The following DPP6 variants were observed in gnomAD, a reference collection of about 807,000 sequenced individuals.
DPP6 encodes A-type potassium channel modulatory protein DPP6.
Under a neutral mutation model 122.6 loss-of-function variants are expected in DPP6, and 69 were observed. That is an observed-to-expected ratio of 0.56 (90% CI 0.46 to 0.69). The LOEUF (loss-of-function observed/expected upper bound fraction) is 0.69. DPP6 is among the 30% of genes least tolerant of loss of function. The pLI is 0.00. For missense variants in DPP6, 928 were observed against 1,116.9 expected (o/e 0.83, Z 2.41); for synonymous variants, 418 against 433.1 (o/e 0.97, Z 0.43).
intron 5 of DPP6, among the ~76,000 whole-genome samples, chr7:154,570,975 A>G (rs1054803452): frequency 6.6e-6 from 1 of 152,176 alleles, no homozygotes; most frequent in African/African-American, 2.4e-5. Flanking sequence ...ATAGTTTGCA[A>G]TGTGTGCTTA....
chr7:154,032,027 ATT>A (rs59221022), intron 1 of DPP6, among the ~76,000 whole-genome samples: 152 of 127,146 alleles, frequency 1.2e-3, no homozygotes, highest in Admixed American at 2.1e-3. Context: ...ACACCCGCCT[ATT>A]TTTTTTTTTT....
intron 6 of DPP6, among the ~76,000 whole-genome samples, chr7:154,658,690 T>C (rs572999764): frequency 6.6e-4 from 100 of 152,320 alleles, no homozygotes; most frequent in African/African-American, 2.3e-3. Flanking sequence ...TGCTCCTCTG[T>C]CTGCCCCACA....
At chr7:154,853,886 ACT>A in intron 17 of DPP6, 59 bp downstream of exon 17, 1 of 1,603,726 alleles carries the variant, frequency 6.2e-7, no homozygotes, top group Non-Finnish European at 8.5e-7. Context: ...GAAGCAAAAC[ACT>A]CTATGAGATC....
chr7:153,911,310 T>G (rs979160492), intron 1 of DPP6, among the ~76,000 whole-genome samples: 1 of 152,306 alleles, frequency 6.6e-6, no homozygotes, highest in East Asian at 1.9e-4. Flanking sequence ...CCTTCCCCAG[T>G]ATCATGATCC....
chr7:154,082,113 C>T (rs2260861), intron 1 of DPP6, among the ~76,000 whole-genome samples: 16 of 152,238 alleles, frequency 1.1e-4, no homozygotes, highest in African/African-American at 2.4e-4. Context: ...CGGGTTCCAT[C>T]GTCTACGGGA....
At chr7:154,599,677 C>T (rs781377762) in intron 5 of DPP6, among the ~76,000 whole-genome samples, 3 of 151,990 alleles carry the variant, frequency 2.0e-5, no homozygotes, top group African/African-American at 4.8e-5. Context: ...CCCAGCCCCC[C>T]ACCCCATGAC....
intron 5 of DPP6, among the ~76,000 whole-genome samples, chr7:154,633,696 A>G (rs1462888488): frequency 2.6e-5 from 4 of 152,200 alleles, no homozygotes; most frequent in African/African-American, 9.7e-5. Flanking sequence ...TTCAATTTGC[A>G]CTCTTTAAAC....
At chr7:154,673,746 A>C (rs1365219000) in intron 7 of DPP6, among the ~76,000 whole-genome samples, 3 of 152,192 alleles carry the variant, frequency 2.0e-5, no homozygotes, top group Admixed American at 1.3e-4. Flanking sequence ...CTTCCTCCAA[A>C]CTGGAGTGGT....
chr7:153,987,727 C>T (rs71530447), intron 1 of DPP6, among the ~76,000 whole-genome samples: 1 of 152,046 alleles, frequency 6.6e-6, no homozygotes, highest in Admixed American at 6.6e-5. Flanking sequence ...CTGGGGAGGA[C>T]TTTCTCCATC....
chr7:154,681,513 C>T (rs1026615896), intron 7 of DPP6, among the ~76,000 whole-genome samples: 9 of 152,182 alleles, frequency 5.9e-5, no homozygotes, highest in Non-Finnish European at 1.3e-4. Flanking sequence ...ACCACACTTG[C>T]GGCCATGGCA....
intron 1 of DPP6, among the ~76,000 whole-genome samples, chr7:154,060,647 AC>A (rs1322012841): frequency 0.023 from 3,150 of 135,280 alleles, 69 homozygotes; most frequent in Middle Eastern, 0.046. Context: ...AGGGGGAGGC[AC>A]CCCCCACGAG....
chr7:154,872,726 C>A, intron 19 of DPP6, 33 bp downstream of exon 19: 2 of 1,574,228 alleles, frequency 1.3e-6, no homozygotes, highest in Non-Finnish European at 1.7e-6. Flanking sequence ...TTCCCTGGTG[C>A]TCGTTCTGGG....
rs377324448 is a variant in DPP6 at position 154,062,691 on chromosome 7, T to C, written c.243+9628T>C. ...CGAGGGTGGGGACTGAGAGCTATCC[T>C]CTCTTCCGCACCTGGCTGTTGGTAC... is the stretch of plus-strand genomic sequence containing the variant. On this transcript the variant is annotated intron_variant, in intron 1 of 25. Transcript: ENST00000377770. 1.6e-3 allele frequency among the ~76,000 whole-genome samples: 78 copies of C among 48,218 alleles called. 3 individuals carry two copies. The highest frequency in any genetic ancestry group is 1.9e-3 in the Non-Finnish European group (53 of 28,480). The allele number at this position is 48,218 out of a possible 152,430, so 31.6% of individuals were successfully genotyped here. A position where few individuals can be genotyped will look rare whatever the true frequency, so the allele number is the denominator to read the frequency against.
chr7:154,149,057 G>C lies in DPP6; in HGVS notation c.243+95994G>C, dbSNP rs1488216580. The stretch of plus-strand genomic sequence containing the variant: ...AGTATCTCCAGCAGACCTATGCTGG[G>C]CAGAAACCTCACAGTTCTGTCCAAA... On this transcript the variant is annotated intron_variant, in intron 1 of 25. Coordinates refer to ENST00000377770, the MANE Select transcript of DPP6 (RefSeq NM_130797.4). Among the ~76,000 whole-genome samples the C allele has an allele frequency of 2.0e-5, 3 of 152,214 alleles. No homozygotes were observed. The South Asian group carries it at 6.2e-4, about 32-fold the overall frequency.
chr7:154,875,846 G>T lies in DPP6; in HGVS notation c.1884-60G>T. ...ACGGGGGTCATCTGACGTGGCAGCT[G>T]CTAGACCAGCCGCCACCCACCACGC... On this transcript the variant is annotated intron_variant, in intron 19 of 25. Transcript: ENST00000377770. This position sits in a 1 kb window ranked among gnomAD's most constrained non-coding sequence, Gnocchi z 4.5. 1 of 1,556,472 alleles carries T rather than the reference G, an allele frequency of 6.4e-7. No individual in the cohort carries two copies. The highest frequency in any genetic ancestry group is 1.2e-5 in the South Asian group (1 of 84,934).
intron 3 of DPP6, among the ~76,000 whole-genome samples, chr7:154,518,560 A>G (rs1370114124): frequency 6.6e-6 from 1 of 152,160 alleles, no homozygotes; most frequent in Non-Finnish European, 1.5e-5. Context: ...CAGATGATGA[A>G]TTGCACAGTC....
chr7:154,660,137 C>A (rs1416095550), intron 6 of DPP6, among the ~76,000 whole-genome samples: 1 of 152,218 alleles, frequency 6.6e-6, no homozygotes, highest in Non-Finnish European at 1.5e-5. Flanking sequence ...CACAGGTGAG[C>A]CAGGTAATAA....
chr7:154,124,756 G>A, intron 1 of DPP6, among the ~76,000 whole-genome samples: 1 of 152,210 alleles, frequency 6.6e-6, no homozygotes, highest in East Asian at 1.9e-4. Context: ...GGAAGGGCGG[G>A]AGGATGGGGG....
rs112863772 is a variant in DPP6 at position 154,776,517 on chromosome 7, G to C, written c.1136+3575G>C. Among the ~76,000 whole-genome samples, 696 of 152,072 alleles carry C rather than the reference G, an allele frequency of 4.6e-3. 8 individuals carry two copies. Among genetic ancestry groups the C allele is most frequent in the African/African-American group, 0.016 (655 of 41,470 alleles). On this transcript the variant is annotated intron_variant, in intron 10 of 25. Transcript: ENST00000377770. The stretch of plus-strand genomic sequence containing the variant: ...GAATTTTTAGATACTTTTTTAAATT[G>C]TTTCATTTTCATTTTCCCGCCTGCC...
Sources: allele counts gnomAD v4.1 joint callset (sites outside exome capture counted in the v4.1 genomes callset), GRCh38; gene constraint gnomAD v4.1.1; non-coding constraint Gnocchi (gnomAD v3.1); transcripts MANE v1.5; gene names NCBI Gene and HGNC (gene_info 2026-07-23, HGNC 2026-07-21).